ZNF280D: variants seen among roughly 807,000 people sequenced by gnomAD.
ZNF280D encodes the protein suppressor of hairy wing homolog 4.
A neutral mutation model predicts 94.7 loss-of-function variants in ZNF280D; 39 were observed. The ratio of observed to expected loss-of-function variants is 0.41; its 90% CI spans 0.32 to 0.54. ZNF280D has a LOEUF of 0.54. ZNF280D is among the 20% of genes least tolerant of loss of function. The pLI is 0.22. For synonymous variants in ZNF280D, 398 were observed against 377.6 expected (o/e 1.05, Z -0.63); for missense variants, 1,090 against 1,149.3 (o/e 0.95, Z 0.75).
chr15:56,699,297 T>C (rs532113684), intron 6 of ZNF280D: 203 of 798,406 alleles, frequency 2.5e-4, no homozygotes, highest in Non-Finnish European at 3.0e-4. Context: ...AAACAATGTA[T>C]GTATATCATA....
chr15:56,714,280 G>T (rs2057922461), intron 1 of ZNF280D, among the ~76,000 whole-genome samples: 1 of 152,060 alleles, frequency 6.6e-6, no homozygotes, highest in Non-Finnish European at 1.5e-5. Context: ...CAAAATACGG[G>T]ATGATTATAG....
chr15:56,669,946 AT>A lies in ZNF280D; in HGVS notation c.1411-990del, dbSNP rs2054671244. 3.9e-4 allele frequency among the ~76,000 whole-genome samples: 2 copies of A among 5,116 alleles called. 1 individual carries two copies. Among genetic ancestry groups the A allele is most frequent in the Non-Finnish European group, 6.5e-4 (2 of 3,076 alleles). 3.4% of individuals were successfully genotyped at this position (5,116 alleles called of 152,430 possible). The stretch of plus-strand genomic sequence containing the variant: ...TATATTATATATATATTATATATAT[AT>A]ATTATATATATATATTATATATATA... On this transcript the variant is annotated intron_variant, in intron 13 of 21. Coordinates refer to ENST00000267807, the MANE Select transcript of ZNF280D (RefSeq NM_017661.4).
At chr15:56,676,480 A>G (rs2055241713) in intron 13 of ZNF280D, among the ~76,000 whole-genome samples, 190 bp downstream of exon 13, 1 of 152,182 alleles carries the variant, frequency 6.6e-6, no homozygotes, top group South Asian at 2.1e-4. Context: ...TATGACCCAC[A>G]CCATCACCAG....
intron 13 of ZNF280D, 47 bp from the exon 14 acceptor site, chr15:56,669,004 T>C (rs755423758): frequency 6.4e-6 from 10 of 1,563,106 alleles, no homozygotes; most frequent in Non-Finnish European, 8.7e-6. Flanking sequence ...TTTCAAAAAC[T>C]ACAAATCCTG....
At chr15:56,636,624 C>T (rs1427030440) in intron 20 of ZNF280D, among the ~76,000 whole-genome samples, 1 of 151,746 alleles carries the variant, frequency 6.6e-6, no homozygotes, top group Non-Finnish European at 1.5e-5. Context: ...GCTGGGATTA[C>T]AGGTACCCAC....
chr15:56,674,194 A>C (rs2055062513), intron 13 of ZNF280D, among the ~76,000 whole-genome samples: 2 of 152,034 alleles, frequency 1.3e-5, no homozygotes, highest in Admixed American at 6.6e-5. Flanking sequence ...TGTACAATTT[A>C]GTTCAAAATA....
Position 56,642,987 on chromosome 15 carries a change from C to CT in ZNF280D, c.2223dup (p.Glu742ArgfsTer12). On this transcript the variant is annotated frameshift_variant, in exon 20 of 22. Coordinates refer to ENST00000267807, the MANE Select transcript of ZNF280D (RefSeq NM_017661.4). LOFTEE classifies it high-confidence loss of function. Reference sequence around the variant, plus strand: ...GGTTCTTGTTCCTTTGCGGGAGCTTCTTTTTTTAATCTTGAAAACAAGATA... The same window carrying CT: ...GGTTCTTGTTCCTTTGCGGGAGCTTCTTTTTTTTAATCTTGAAAACAAGATA... The CT allele has an allele frequency of 4.0e-6, 6 of 1,504,860 alleles. No individual in the cohort carries two copies. The highest frequency in any genetic ancestry group is 1.3e-5 in the South Asian group (1 of 74,776). 93.2% of individuals were successfully genotyped at this position (1,504,860 alleles called of 1,614,324 possible). A position where few individuals can be genotyped will look rare whatever the true frequency, so the allele number is the denominator to read the frequency against.
At chr15:56,672,715 G>C (rs1459975727) in intron 13 of ZNF280D, among the ~76,000 whole-genome samples, 1 of 151,950 alleles carries the variant, frequency 6.6e-6, no homozygotes, top group Non-Finnish European at 1.5e-5. Context: ...AAAATCAAGT[G>C]AAGTAATATA....
At chr15:56,659,668 G>T (rs970258591) in intron 16 of ZNF280D, among the ~76,000 whole-genome samples, 1 of 151,906 alleles carries the variant, frequency 6.6e-6, no homozygotes, top group Non-Finnish European at 1.5e-5. Flanking sequence ...CAGCAGATAA[G>T]GGGGACTACT....
chr15:56,693,688 C>G (rs2141111708), intron 6 of ZNF280D, among the ~76,000 whole-genome samples: 2 of 151,818 alleles, frequency 1.3e-5, no homozygotes, highest in East Asian at 3.9e-4. Context: ...TTTACATGAC[C>G]AAAAAAATTA....
chr15:56,695,357 G>A (rs1352901640), intron 6 of ZNF280D, among the ~76,000 whole-genome samples: 3 of 152,050 alleles, frequency 2.0e-5, no homozygotes, highest in Admixed American at 1.3e-4. Flanking sequence ...ACAGGGGTAA[G>A]CCACTATGCC....
chr15:56,730,923 T>C (rs756942989), intron 1 of ZNF280D, among the ~76,000 whole-genome samples: 1 of 152,214 alleles, frequency 6.6e-6, no homozygotes, highest in Admixed American at 6.5e-5. Context: ...AATGGAAAGA[T>C]AGCTTGTCAC....
At chr15:56,687,845 G>A (rs936007881) in intron 9 of ZNF280D, among the ~76,000 whole-genome samples, 7 of 152,134 alleles carry the variant, frequency 4.6e-5, no homozygotes, top group East Asian at 1.9e-4. Context: ...GGCTCTGTAC[G>A]TATATAAGAA....
chr15:56,653,443 T>C (rs564387778), intron 19 of ZNF280D: 1 of 1,453,720 alleles, frequency 6.9e-7, no homozygotes, highest in African/African-American at 1.4e-5. Flanking sequence ...CTCCCCAAGA[T>C]CTGATTTCTT....
chr15:56,733,223 G>A (rs1316409531), intron 1 of ZNF280D, among the ~76,000 whole-genome samples: 1 of 152,166 alleles, frequency 6.6e-6, no homozygotes, highest in Admixed American at 6.5e-5. Flanking sequence ...TGCAGCAGCC[G>A]AGGCGGCTGC....
intron 16 of ZNF280D, among the ~76,000 whole-genome samples, chr15:56,665,882 T>A (rs2054255920): frequency 6.6e-6 from 1 of 152,188 alleles, no homozygotes. Context: ...ATGCCTGTAA[T>A]CCCAGCACTT....
At chr15:56,721,648 G>A (rs1441852217) in intron 1 of ZNF280D, among the ~76,000 whole-genome samples, 1 of 152,130 alleles carries the variant, frequency 6.6e-6, no homozygotes, top group Non-Finnish European at 1.5e-5. Context: ...TTAGCTTCAA[G>A]CTTTTCTTCT....
At chr15:56,692,706 CTAAT>C (rs1422078362) in intron 7 of ZNF280D, among the ~76,000 whole-genome samples, 1 of 152,028 alleles carries the variant, frequency 6.6e-6, no homozygotes, top group Non-Finnish European at 1.5e-5. Context: ...AGACATTAAA[CTAAT>C]TAAGAAATCA....
At chr15:56,694,580 C>A (rs2056634981) in intron 6 of ZNF280D, among the ~76,000 whole-genome samples, 1 of 152,018 alleles carries the variant, frequency 6.6e-6, no homozygotes, top group South Asian at 2.1e-4. Flanking sequence ...TTCCAAATTA[C>A]CAGCCAAAGA....
Sources: gnomAD v4.1 joint callset for allele counts (sites outside exome capture counted in the v4.1 genomes callset) on GRCh38, gnomAD v4.1.1 for gene constraint, MANE v1.5 for transcripts, NCBI Gene and HGNC (gene_info 2026-07-23, HGNC 2026-07-21) for gene names.